Variants in RMST observed in about 807,000 individuals in gnomAD.
The protein encoded by RMST is rhabdomyosarcoma 2 associated transcript, also known as long intergenic non-protein coding RNA 54.
chr12:97,494,770 T>C (rs1028082087), exon 9 of RMST: 1 of 152,160 alleles, frequency 6.6e-6, no homozygotes, highest in African/African-American at 2.4e-5. Flanking sequence ...CTAACTCCGA[T>C]TATTACCAAA....
intron 10 of RMST, among the ~76,000 whole-genome samples, chr12:97,512,348 A>C (rs1330003924): frequency 6.6e-6 from 1 of 152,132 alleles, no homozygotes; most frequent in Non-Finnish European, 1.5e-5. Context: ...AGAAAGAACA[A>C]AGCTTCCACA....
intron 10 of RMST, among the ~76,000 whole-genome samples, chr12:97,517,900 A>C (rs992157522): frequency 1.1e-4 from 16 of 152,080 alleles, no homozygotes; most frequent in African/African-American, 3.6e-4. Context: ...GTTCCTTGAA[A>C]TGGTGTATCA....
At position 97,543,032 on chromosome 12, in the gene RMST, C is replaced by T. The variant is rs151292262; in HGVS notation, n.1545+12173C>T. Among the ~76,000 whole-genome samples the T allele has an allele frequency of 5.1e-4, 78 of 152,084 alleles. 1 individual carries two copies. Among genetic ancestry groups the T allele is most frequent in the Middle Eastern group, 6.8e-3 (2 of 294 alleles). ...TTCTAGCTTTTAGGGTTTATATCCT[C>T]GTGGTGCATTCAAGTGCTATGGAAA... is the stretch of plus-strand genomic sequence containing the variant. On this transcript the variant is annotated intron_variant and non_coding_transcript_variant, in intron 11 of 13. Coordinates refer to ENST00000640149, the Ensembl canonical transcript of RMST.
intron 13 of RMST, chr12:97,564,068 T>C (rs899574615): frequency 8.8e-6 from 3 of 341,678 alleles, no homozygotes; most frequent in Non-Finnish European, 1.8e-5. Context: ...GGTGGATTCA[T>C]ATTCGTAATC....
rs1565919331 is a variant in RMST, at chr12:97,482,817, ATTATTTATTTATTAAATAAAT to A, written n.645-9630_645-9610del. Among the ~76,000 whole-genome samples the A allele has an allele frequency of 4.2e-4, 60 of 141,964 alleles. 1 individual carries two copies. Among genetic ancestry groups the A allele is most frequent in the African/African-American group, 1.5e-3 (55 of 36,416 alleles). The allele number at this position is 141,964 out of a possible 152,430, so 93.1% of individuals were successfully genotyped here. ...TTATTTATTTATTAAATAAATTTAT[ATTATTTATTTATTAAATAAAT>A]TTATTTATTTATTTGTTTATGGGGG... is the stretch of plus-strand genomic sequence containing the variant. On this transcript the variant is annotated intron_variant and non_coding_transcript_variant, in intron 5 of 13. Transcript: ENST00000640149.
rs1259058093 is a variant in RMST, at chr12:97,482,714, TTATTTATTTATTAAATAAATTTA to T, written n.645-9742_645-9720del. On this transcript the variant is annotated intron_variant and non_coding_transcript_variant, in intron 5 of 13. Transcript: ENST00000640149. ...TATTTATTTAATAAATAAATTTATA[TTATTTATTTATTAAATAAATTTA>T]TATTATTTATTTATTAAATAAATTT... Among the ~76,000 whole-genome samples the T allele has an allele frequency of 2.1e-5, 3 of 140,282 alleles. No individual in the cohort carries two copies. The East Asian group carries it at 5.9e-4, about 28-fold the overall frequency. 92.0% of individuals were successfully genotyped at this position (140,282 alleles called of 152,430 possible).
chr12:97,474,624 C>CAAAAAAAAAAAAAAAAAAAA (rs34888626), intron 5 of RMST, among the ~76,000 whole-genome samples: 1 of 55,798 alleles, frequency 1.8e-5, no homozygotes, highest in South Asian at 8.0e-4. Context: ...AAAAAGAAGC[C>CAAAAAAAAAAAAAAAAAAAA]AAAAAAAAAA....
At chr12:97,527,476 A>G (rs1462579492) in intron 10 of RMST, among the ~76,000 whole-genome samples, 1 of 152,190 alleles carries the variant, frequency 6.6e-6, no homozygotes, top group Non-Finnish European at 1.5e-5. Flanking sequence ...CTTTGTGGCC[A>G]CAGGGAGCAG....
At position 97,481,539 on chromosome 12, in the gene RMST, A is replaced by T. The variant is rs923123868; in HGVS notation, n.645-10922A>T. On this transcript the variant is annotated intron_variant and non_coding_transcript_variant, in intron 5 of 13. Transcript: ENST00000640149. ...TCCACATTTCAGATATATTTTTTTC[A>T]TACCGAGAAATAGCATGCTGAGCTT... Among the ~76,000 whole-genome samples, 6 of 152,118 alleles carry T rather than the reference A, an allele frequency of 3.9e-5. No individual in the cohort carries two copies. In the East Asian group the frequency reaches 1.2e-3, roughly 29 times the overall value.
rs181816465 is a variant in RMST, at chr12:97,509,372, G to A, written n.1340+13316G>A. Among the ~76,000 whole-genome samples the A allele has an allele frequency of 2.6e-4, 38 of 148,106 alleles. No individual in the cohort carries two copies. The East Asian group carries it at 3.4e-3, about 13-fold the overall frequency. On this transcript the variant is annotated intron_variant and non_coding_transcript_variant, in intron 10 of 13. Transcript: ENST00000640149. Reference sequence around the variant, plus strand: ...TTCATTAATTCGTTATATGGGATACGGCATAGTGGACTATATACTGAATTG... The same window carrying A: ...TTCATTAATTCGTTATATGGGATACAGCATAGTGGACTATATACTGAATTG...
At chr12:97,537,851 T>C (rs1407151234) in intron 11 of RMST, among the ~76,000 whole-genome samples, 1 of 151,412 alleles carries the variant, frequency 6.6e-6, no homozygotes, top group Non-Finnish European at 1.5e-5. Flanking sequence ...TCTTCTGCCT[T>C]ATTCTGGTAT....
chr12:97,476,577 T>C (rs1359464285), intron 5 of RMST, among the ~76,000 whole-genome samples: 1 of 152,228 alleles, frequency 6.6e-6, no homozygotes, highest in African/African-American at 2.4e-5. Flanking sequence ...GGCTTAGTGC[T>C]ATCAAGGCCC....
chr12:97,515,583 G>A (rs1244979005), intron 10 of RMST, among the ~76,000 whole-genome samples: 1 of 151,896 alleles, frequency 6.6e-6, no homozygotes, highest in African/African-American at 2.4e-5. Flanking sequence ...ACACACAGTA[G>A]GAGCTCAATA....
chr12:97,514,798 A>C (rs532204720), intron 10 of RMST, among the ~76,000 whole-genome samples: 1 of 152,302 alleles, frequency 6.6e-6, no homozygotes, highest in South Asian at 2.1e-4. Context: ...AAGGGAAAAA[A>C]ATCATTTGAA....
intron 5 of RMST, among the ~76,000 whole-genome samples, chr12:97,488,865 T>C (rs1194484160): frequency 3.3e-5 from 5 of 152,290 alleles, no homozygotes; most frequent in Non-Finnish European, 7.4e-5. Context: ...AAATTTCTAT[T>C]TTATGCTCCA....
At chr12:97,563,941 A>T (rs1276194009) in intron 13 of RMST, 8 of 481,706 alleles carry the variant, frequency 1.7e-5, no homozygotes, top group Non-Finnish European at 3.5e-5. Context: ...CAGTATAGAG[A>T]ACGTTAGCCT....
At chr12:97,544,598 C>T (rs1882797567) in intron 11 of RMST, among the ~76,000 whole-genome samples, 1 of 152,026 alleles carries the variant, frequency 6.6e-6, no homozygotes. Context: ...GGTACCATAC[C>T]TTCGCTAGAA....
At chr12:97,493,720 A>G (rs563091380) in intron 7 of RMST, among the ~76,000 whole-genome samples, 1 of 152,340 alleles carries the variant, frequency 6.6e-6, no homozygotes, top group South Asian at 2.1e-4. Context: ...GCCCATCACT[A>G]ACCTTCCTTA....
chr12:97,526,235 C>T lies in RMST; in HGVS notation n.1341-4420C>T, dbSNP rs185068353. ...AAAATTATCATCTGTGCAGCTGGTCCCTGGTGCCAAAAATGTTGGAGACAG... is the reference window on the plus strand; with the variant it reads ...AAAATTATCATCTGTGCAGCTGGTCTCTGGTGCCAAAAATGTTGGAGACAG... On this transcript the variant is annotated intron_variant and non_coding_transcript_variant, in intron 10 of 13. Transcript: ENST00000640149. 8.5e-5 allele frequency among the ~76,000 whole-genome samples: 13 copies of T among 152,144 alleles called. No homozygotes were observed. In the East Asian group the frequency reaches 1.9e-3, roughly 23 times the overall value.
Sources: allele counts gnomAD v4.1 joint callset (sites outside exome capture counted in the v4.1 genomes callset), GRCh38; gene constraint gnomAD v4.1.1; transcripts MANE v1.5; gene names NCBI Gene and HGNC (gene_info 2026-07-23, HGNC 2026-07-21).